Variants in DDX10 observed in about 807,000 individuals in gnomAD.
DDX10 encodes the protein probable ATP-dependent RNA helicase DDX10.
Under a neutral mutation model 104.3 loss-of-function variants are expected in DDX10, and 74 were observed. The ratio of observed to expected loss-of-function variants is 0.71; its 90% CI spans 0.59 to 0.86. The LOEUF (loss-of-function observed/expected upper bound fraction) is 0.86, where lower values mean the gene tolerates loss of function less well. Among genes scored for constraint, DDX10 ranks in the 40% least tolerant of loss-of-function variants. DDX10 has a pLI of 0.00. For missense variants in DDX10, 952 were observed against 1,040.0 expected, an observed-to-expected ratio of 0.92 and a Z score of 1.16; for synonymous variants, 351 against 353.4, an observed-to-expected ratio of 0.99 and a Z score of 0.08.
intron 13 of DDX10, among the ~76,000 whole-genome samples, chr11:108,821,211 G>A (rs1400069940): frequency 6.6e-6 from 1 of 152,198 alleles, no homozygotes; most frequent in Non-Finnish European, 1.5e-5. Context: ...TAAGTCTCAA[G>A]TATCTCAAGA....
chr11:108,740,514 G>A (rs1239332262), intron 13 of DDX10, among the ~76,000 whole-genome samples: 5 of 152,146 alleles, frequency 3.3e-5, no homozygotes, highest in African/African-American at 1.2e-4. Flanking sequence ...TAATGGGATT[G>A]CTGGGTTGAA....
intron 13 of DDX10, among the ~76,000 whole-genome samples, chr11:108,756,424 C>G (rs139251778): frequency 6.6e-6 from 1 of 152,034 alleles, no homozygotes; most frequent in Non-Finnish European, 1.5e-5. Flanking sequence ...AATAAGGCCA[C>G]TGAATAGATC....
chr11:108,693,764 A>G (rs1235383974), intron 9 of DDX10, among the ~76,000 whole-genome samples, 164 bp downstream of exon 9: 1 of 152,202 alleles, frequency 6.6e-6, no homozygotes, highest in East Asian at 1.9e-4. Context: ...CTAAGACTTG[A>G]TTAGTGCTGC....
At chr11:108,683,667 A>G (rs1031937111) in intron 6 of DDX10, among the ~76,000 whole-genome samples, 3 of 152,168 alleles carry the variant, frequency 2.0e-5, no homozygotes, top group South Asian at 2.1e-4. Context: ...GCCTAGCTCC[A>G]TTATTTCATC....
intron 17 of DDX10, among the ~76,000 whole-genome samples, chr11:108,924,026 A>G (rs1191210026): frequency 6.6e-6 from 1 of 152,118 alleles, no homozygotes. Flanking sequence ...TAATTTTTGT[A>G]TATCTAGTAG....
intron 13 of DDX10, among the ~76,000 whole-genome samples, chr11:108,788,260 G>A (rs115151417): frequency 0.011 from 1,729 of 152,198 alleles, 34 homozygotes; most frequent in African/African-American, 0.04. Context: ...AGTGGCTAGT[G>A]TTCCTTTAAA....
chr11:108,803,169 A>G (rs1263687897), intron 13 of DDX10, among the ~76,000 whole-genome samples: 4 of 152,166 alleles, frequency 2.6e-5, no homozygotes, highest in African/African-American at 7.2e-5. Context: ...CATTCTTGCA[A>G]TATATCAGAC....
intron 16 of DDX10, among the ~76,000 whole-genome samples, chr11:108,898,042 C>T (rs983016773): frequency 6.6e-6 from 1 of 151,968 alleles, no homozygotes; most frequent in Admixed American, 6.6e-5. Flanking sequence ...GTTCACTCCC[C>T]GAAATAGGCT....
chr11:108,787,373 A>G (rs982450417), intron 13 of DDX10, among the ~76,000 whole-genome samples: 1 of 151,848 alleles, frequency 6.6e-6, no homozygotes, highest in Admixed American at 6.6e-5. Context: ...TTTTTTCTGA[A>G]TTTATATGTC....
intron 9 of DDX10, among the ~76,000 whole-genome samples, chr11:108,705,496 C>G (rs1008961647): frequency 2.0e-5 from 3 of 152,078 alleles, no homozygotes; most frequent in African/African-American, 4.8e-5. Flanking sequence ...CCTTTAGCAC[C>G]TACTTATTTA....
intron 16 of DDX10, among the ~76,000 whole-genome samples, chr11:108,889,292 G>A (rs1863343157): frequency 6.6e-6 from 1 of 152,056 alleles, no homozygotes; most frequent in Non-Finnish European, 1.5e-5. Context: ...CCTTATGTTT[G>A]AATAATGGAA....
chr11:108,778,425 C>G (rs1351895015), intron 13 of DDX10, among the ~76,000 whole-genome samples: 3 of 152,136 alleles, frequency 2.0e-5, no homozygotes, highest in East Asian at 1.9e-4. Context: ...ACAAACCTGA[C>G]AAAAACAAGC....
At chr11:108,733,731 A>G (rs1294809372) in intron 13 of DDX10, among the ~76,000 whole-genome samples, 1 of 151,648 alleles carries the variant, frequency 6.6e-6, no homozygotes, top group African/African-American at 2.4e-5. Flanking sequence ...TTCTGCCCCC[A>G]GATTCTTATT....
chr11:108,867,093 A>G (rs139588842), intron 16 of DDX10, among the ~76,000 whole-genome samples: 392 of 152,324 alleles, frequency 2.6e-3, no homozygotes, highest in African/African-American at 8.9e-3. Context: ...AGTGGGGTCA[A>G]ATGTGCTAGG....
At chr11:108,754,864 C>A (rs2134508833) in intron 13 of DDX10, among the ~76,000 whole-genome samples, 1 of 152,138 alleles carries the variant, frequency 6.6e-6, no homozygotes, top group South Asian at 2.1e-4. Context: ...ACCAGAAAGT[C>A]AGAACATCAG....
intron 16 of DDX10, among the ~76,000 whole-genome samples, chr11:108,869,657 G>A (rs542693073): frequency 6.6e-6 from 1 of 151,824 alleles, no homozygotes; most frequent in African/African-American, 2.4e-5. Context: ...TCTTTTTTTT[G>A]ACAAGCAAAG....
chr11:108,863,604 A>G (rs1466094114), intron 16 of DDX10, among the ~76,000 whole-genome samples: 1 of 152,240 alleles, frequency 6.6e-6, no homozygotes, highest in Non-Finnish European at 1.5e-5. Flanking sequence ...GGAAGGCTTC[A>G]GCCTCATTTA....
At chr11:108,903,292 T>C (rs775106150) in intron 16 of DDX10, among the ~76,000 whole-genome samples, 3 of 152,166 alleles carry the variant, frequency 2.0e-5, no homozygotes, top group Non-Finnish European at 2.9e-5. Flanking sequence ...AGACATTCCA[T>C]ATAAGTGGAT....
chr11:108,932,687 G>GT (rs1238019108), intron 17 of DDX10, among the ~76,000 whole-genome samples: 2 of 151,978 alleles, frequency 1.3e-5, no homozygotes, highest in East Asian at 3.9e-4. Flanking sequence ...AATGTTTCTT[G>GT]TTTTTTCTAA....
Sources: gnomAD v4.1 joint callset for allele counts (sites outside exome capture counted in the v4.1 genomes callset) on GRCh38, gnomAD v4.1.1 for gene constraint, MANE v1.5 for transcripts, NCBI Gene and HGNC (gene_info 2026-07-23, HGNC 2026-07-21) for gene names.